The following LAMA4 variants were observed in gnomAD, a reference collection of about 807,000 sequenced individuals.
The protein encoded by LAMA4 is laminin subunit alpha-4.
A neutral mutation model predicts 207.1 loss-of-function variants in LAMA4; 127 were observed. That is an observed-to-expected ratio of 0.61 (90% CI 0.53 to 0.71). The LOEUF is 0.71. Among genes scored for constraint, LAMA4 ranks in the 30% least tolerant of loss-of-function variants. LAMA4 has a pLI of 0.00. For synonymous variants in LAMA4, 761 were observed against 816.0 expected (o/e 0.93, Z 1.15); for missense variants, 2,093 against 2,246.5 (o/e 0.93, Z 1.38).
At chr6:112,114,018 C>T in intron 38 of LAMA4, 58 bp downstream of exon 38, 1 of 1,594,368 alleles carries the variant, frequency 6.3e-7, no homozygotes, top group African/African-American at 1.3e-5. Flanking sequence ...TCTACAATAA[C>T]AATTGTGAGA....
intron 14 of LAMA4, among the ~76,000 whole-genome samples, chr6:112,157,198 T>C (rs909515346): frequency 6.6e-6 from 1 of 152,100 alleles, no homozygotes; most frequent in African/African-American, 2.4e-5. Flanking sequence ...GAAAACATTT[T>C]TTAAAAAAGG....
At chr6:112,231,571 G>C (rs782144568) in intron 2 of LAMA4, among the ~76,000 whole-genome samples, 2 of 152,130 alleles carry the variant, frequency 1.3e-5, no homozygotes, top group Non-Finnish European at 2.9e-5. Flanking sequence ...GAAGCCAGTC[G>C]TATGACATCC....
intron 19 of LAMA4, 83 bp from the exon 20 acceptor site, chr6:112,142,375 G>A: frequency 7.8e-7 from 1 of 1,282,446 alleles, no homozygotes; most frequent in Non-Finnish European, 1.1e-6. Context: ...TTCGTGACAG[G>A]GGCCTATAAA....
At chr6:112,200,906 T>C (rs936169253) in intron 5 of LAMA4, among the ~76,000 whole-genome samples, 1 of 151,806 alleles carries the variant, frequency 6.6e-6, no homozygotes, top group South Asian at 2.1e-4. Context: ...AGGGGAGGGA[T>C]AGCATTAGGA....
intron 33 of LAMA4, among the ~76,000 whole-genome samples, chr6:112,119,612 A>G (rs1284349154): frequency 6.6e-6 from 1 of 151,986 alleles, no homozygotes; most frequent in Non-Finnish European, 1.5e-5. Context: ...GCATAGGTGT[A>G]TTTTTTTCAT....
chr6:112,176,991 A>G (rs1782060879), intron 10 of LAMA4, among the ~76,000 whole-genome samples: 1 of 152,216 alleles, frequency 6.6e-6, no homozygotes, highest in South Asian at 2.1e-4. Context: ...TTTTCTCTGA[A>G]TGGCTTACTA....
rs536343980 is a variant in LAMA4, at chr6:112,237,979, C to T, written c.195+15977G>A. On this transcript the variant is annotated intron_variant, in intron 2 of 38. Coordinates refer to ENST00000230538, the MANE Select transcript of LAMA4 (RefSeq NM_001105206.3). Reference sequence around the variant, plus strand: ...GTTTCTCTTTCTTCTGCTATGAAGTCTTTGATGGATCCCTGTGGTTCAGCC... The same window carrying T: ...GTTTCTCTTTCTTCTGCTATGAAGTTTTTGATGGATCCCTGTGGTTCAGCC... 7.2e-5 allele frequency among the ~76,000 whole-genome samples: 11 copies of T among 152,326 alleles called. No individual in the cohort carries two copies. The South Asian group carries it at 2.3e-3, about 32-fold the overall frequency.
chr6:112,243,151 A>G (rs1192578216), intron 2 of LAMA4, among the ~76,000 whole-genome samples: 1 of 152,190 alleles, frequency 6.6e-6, no homozygotes, highest in African/African-American at 2.4e-5. Flanking sequence ...ACATGGAGAC[A>G]CACTTAGGCT....
In LAMA4 at chr6:112,122,178, A is replaced by G. The variant is rs782380185; in HGVS notation, c.4311T>C (p.Pro1437=). 5.0e-6 allele frequency: 8 copies of G among 1,613,708 alleles called. No individual in the cohort carries two copies. In the Admixed American group the frequency reaches 1.3e-4, roughly 27 times the overall value. Residue 1437 remains proline, a synonymous_variant, in exon 32 of 39, where the codon CCT becomes CCC. Transcript: ENST00000230538. ...NKKGGKSKDA[P]SWDPVALKLP... ...GTTTCAGAGCAACAGGATCCCATGAAGGTGCATCTTTACTTTTCCCTCCCT... is the reference window on the plus strand; with the variant it reads ...GTTTCAGAGCAACAGGATCCCATGAGGGTGCATCTTTACTTTTCCCTCCCT...
chr6:112,238,965 TA>T (rs1786151433), intron 2 of LAMA4, among the ~76,000 whole-genome samples: 2 of 152,186 alleles, frequency 1.3e-5, no homozygotes, highest in South Asian at 2.1e-4. Context: ...TGTTGAAACC[TA>T]ACCCCTAATG....
At chr6:112,147,808 G>A (rs13198339) in intron 18 of LAMA4, among the ~76,000 whole-genome samples, 45,763 of 152,026 alleles carry the variant, frequency 0.3, 7,443 homozygotes, top group African/African-American at 0.43. Context: ...TAAAAGCTAA[G>A]CAGTATTTTG....
chr6:112,170,427 G>T (rs1781646376), intron 12 of LAMA4, among the ~76,000 whole-genome samples: 1 of 152,204 alleles, frequency 6.6e-6, no homozygotes, highest in Non-Finnish European at 1.5e-5. Context: ...AGGTTGCAGT[G>T]TTGTTTCTGT....
intron 2 of LAMA4, among the ~76,000 whole-genome samples, chr6:112,222,644 A>C (rs1784986222): frequency 6.6e-6 from 1 of 152,014 alleles, no homozygotes; most frequent in African/African-American, 2.4e-5. Context: ...TTCTGTGGCT[A>C]CTCCTCAGCA....
intron 5 of LAMA4, among the ~76,000 whole-genome samples, chr6:112,198,426 T>C (rs150019793): frequency 6.6e-6 from 1 of 152,244 alleles, no homozygotes; most frequent in East Asian, 1.9e-4. Context: ...CACAAATACA[T>C]TGAAAGCACA....
At chr6:112,158,708 G>C in intron 14 of LAMA4, 24 bp downstream of exon 14, 1 of 1,598,046 alleles carries the variant, frequency 6.3e-7, no homozygotes, top group Admixed American at 1.7e-5. Flanking sequence ...GTAGATATTT[G>C]CATTTCTAAA....
chr6:112,191,375 A>G (rs1783111091), intron 6 of LAMA4, among the ~76,000 whole-genome samples: 1 of 152,192 alleles, frequency 6.6e-6, no homozygotes, highest in South Asian at 2.1e-4. Context: ...GAAGGATATA[A>G]GATGCTAAGA....
At chr6:112,212,520 G>A (rs949285477) in intron 3 of LAMA4, among the ~76,000 whole-genome samples, 13 of 152,156 alleles carry the variant, frequency 8.5e-5, no homozygotes, top group African/African-American at 1.4e-4. Flanking sequence ...CACCGTGCCC[G>A]GCCAGTTTCT....
intron 6 of LAMA4, among the ~76,000 whole-genome samples, chr6:112,191,132 C>A (rs1783095738): frequency 6.6e-6 from 1 of 151,846 alleles, no homozygotes. Flanking sequence ...TAGGCACCCA[C>A]CACCATGCCC....
At chr6:112,133,213 G>A (rs2114658787) in intron 27 of LAMA4, 136 bp downstream of exon 27, 1 of 965,382 alleles carries the variant, frequency 1.0e-6, no homozygotes, top group Non-Finnish European at 1.7e-6. Context: ...TAGCTTAATG[G>A]TTCTTCTTTC....
Sources: gnomAD v4.1 joint callset for allele counts (sites outside exome capture counted in the v4.1 genomes callset) on GRCh38, gnomAD v4.1.1 for gene constraint, MANE v1.5 for transcripts, NCBI Gene and HGNC (gene_info 2026-07-23, HGNC 2026-07-21) for gene names.